The following DENND1A variants were observed in gnomAD, a reference collection of about 807,000 sequenced individuals.
DENND1A encodes the protein DENN domain containing 1A, also known as DENN domain-containing protein 1A.
A neutral mutation model predicts 113.7 loss-of-function variants in DENND1A; 51 were observed. The ratio of observed to expected loss-of-function variants is 0.45; its 90% CI spans 0.36 to 0.57. The LOEUF is 0.57. DENND1A is among the 20% of genes least tolerant of loss of function. The pLI is 0.00. For synonymous variants in DENND1A, 565 were observed against 570.8 expected (o/e 0.99, Z 0.14); for missense variants, 1,258 against 1,395.9 (o/e 0.90, Z 1.57).
intron 13 of DENND1A, among the ~76,000 whole-genome samples, chr9:123,550,652 G>C (rs757920803): frequency 6.6e-6 from 1 of 152,194 alleles, no homozygotes; most frequent in Non-Finnish European, 1.5e-5. Context: ...ACTGAGACCA[G>C]CGTGTGTGAA....
At chr9:123,510,271 T>C (rs1232821978) in intron 13 of DENND1A, among the ~76,000 whole-genome samples, 1 of 152,196 alleles carries the variant, frequency 6.6e-6, no homozygotes, top group African/African-American at 2.4e-5. Flanking sequence ...CCAGAGTGGG[T>C]GTCTAGGCAA....
intron 2 of DENND1A, among the ~76,000 whole-genome samples, chr9:123,838,678 A>C (rs986307864): frequency 6.6e-6 from 1 of 152,206 alleles, no homozygotes; most frequent in Admixed American, 6.5e-5. Context: ...TGGAAAGAAA[A>C]CCTAACAAAG....
chr9:123,671,219 T>C, intron 7 of DENND1A, 72 bp downstream of exon 7: 1 of 1,568,230 alleles, frequency 6.4e-7, no homozygotes, highest in Non-Finnish European at 8.8e-7. Context: ...TACAATCCTG[T>C]TCAGCTAGCT....
At chr9:123,401,431 C>T in intron 21 of DENND1A, 1 of 1,039,916 alleles carries the variant, frequency 9.6e-7, no homozygotes, top group Non-Finnish European at 1.2e-6. Context: ...GAACAACTTC[C>T]CCTTCCTCGT....
At chr9:123,570,143 C>T (rs2058277093) in intron 12 of DENND1A, among the ~76,000 whole-genome samples, 1 of 152,180 alleles carries the variant, frequency 6.6e-6, no homozygotes. Context: ...ATGACTGTTT[C>T]TCAAGTGTTT....
chr9:123,533,935 G>A (rs1008730219), intron 13 of DENND1A, among the ~76,000 whole-genome samples: 1 of 152,180 alleles, frequency 6.6e-6, no homozygotes, highest in Non-Finnish European at 1.5e-5. Flanking sequence ...TTTGAAATGT[G>A]TTACACTAGA....
intron 3 of DENND1A, among the ~76,000 whole-genome samples, chr9:123,788,660 A>G (rs1403391918): frequency 3.9e-5 from 6 of 152,116 alleles, no homozygotes; most frequent in Admixed American, 3.9e-4. Context: ...TTGAGAAACC[A>G]ATTTCTAGAA....
At chr9:123,756,465 GCTA>G (rs1161044580) in intron 5 of DENND1A, among the ~76,000 whole-genome samples, 1 of 152,142 alleles carries the variant, frequency 6.6e-6, no homozygotes, top group African/African-American at 2.4e-5. Flanking sequence ...TTGGGCCTGG[GCTA>G]CTAAGGCGTG....
At chr9:123,692,321 T>A (rs1008389056) in intron 5 of DENND1A, among the ~76,000 whole-genome samples, 20 of 152,250 alleles carry the variant, frequency 1.3e-4, no homozygotes, top group Non-Finnish European at 2.6e-4. Flanking sequence ...TTTAAAATGT[T>A]GAGTGCCACA....
intron 1 of DENND1A, among the ~76,000 whole-genome samples, chr9:123,904,501 A>C (rs1209078483): frequency 1.4e-5 from 2 of 142,596 alleles, no homozygotes; most frequent in Admixed American, 1.4e-4. Flanking sequence ...AACTAGAATA[A>C]CCAATACAGA....
At chr9:123,668,015 T>C (rs1306619781) in intron 7 of DENND1A, among the ~76,000 whole-genome samples, 2 of 152,208 alleles carry the variant, frequency 1.3e-5, no homozygotes, top group African/African-American at 2.4e-5. Context: ...CATCTCCATA[T>C]GCAACAAGCA....
chr9:123,407,778 T>TA (rs2043994132), intron 20 of DENND1A, among the ~76,000 whole-genome samples: 1 of 152,286 alleles, frequency 6.6e-6, no homozygotes, highest in African/African-American at 2.4e-5. Flanking sequence ...CCACTGGATT[T>TA]AAAACCTGAG....
chr9:123,758,217 C>T (rs551515911), intron 4 of DENND1A, among the ~76,000 whole-genome samples: 7 of 152,178 alleles, frequency 4.6e-5, no homozygotes, highest in Admixed American at 6.5e-5. Context: ...TTTTAACCCT[C>T]GCGCTGATTC....
At chr9:123,508,094 A>G (rs913831766) in intron 13 of DENND1A, among the ~76,000 whole-genome samples, 1 of 152,200 alleles carries the variant, frequency 6.6e-6, no homozygotes. Flanking sequence ...ACACAGGCAA[A>G]GAGAGATGGG....
At chr9:123,841,130 G>T (rs1472033964) in intron 2 of DENND1A, among the ~76,000 whole-genome samples, 1 of 152,112 alleles carries the variant, frequency 6.6e-6, no homozygotes, top group African/African-American at 2.4e-5. Context: ...TAATTACCAA[G>T]GTGATGTCAT....
At chr9:123,403,909 C>T (rs2043722071) in intron 20 of DENND1A, among the ~76,000 whole-genome samples, 1 of 152,224 alleles carries the variant, frequency 6.6e-6, no homozygotes, top group African/African-American at 2.4e-5. Flanking sequence ...TGCGCTTACA[C>T]TTGTTTTTAG....
intron 2 of DENND1A, among the ~76,000 whole-genome samples, chr9:123,863,410 A>G (rs1845338594): frequency 6.6e-6 from 1 of 152,204 alleles, no homozygotes; most frequent in African/African-American, 2.4e-5. Flanking sequence ...CTCTCTTTTC[A>G]ACTTAAAGGT....
rs796936080 is a variant in DENND1A at position 123,557,791 on chromosome 9, G to A, written c.868-96C>T. 207 of 1,399,790 alleles carry A rather than the reference G, an allele frequency of 1.5e-4. No homozygotes were observed. In the African/African-American group the frequency reaches 2.1e-3, roughly 14 times the overall value. The allele number at this position is 1,399,790 out of a possible 1,614,324, so 86.7% of individuals were successfully genotyped here. Reference sequence around the variant, plus strand: ...CATATGGAGCCCTGGAAGATCCTACGGATGGCAGGATCCATTTGATACCTC... The same window carrying A: ...CATATGGAGCCCTGGAAGATCCTACAGATGGCAGGATCCATTTGATACCTC... On this transcript the variant is annotated intron_variant, in intron 12 of 23. Coordinates refer to ENST00000394215, the MANE Select transcript of DENND1A (RefSeq NM_001352964.2).
At position 123,382,596 on chromosome 9, in the gene DENND1A, G is replaced by T; in HGVS notation, c.2049C>A (p.Ser683Arg). ...GCTTCAAGGCCACTGTCACCCCGCG[G>T]CTCCTCTCACTCCCGCCCAGATCCA... ...QRLDLGGSER[S>R]RGVTVALKLT... The change falls in exon 24 of 24, where the codon AGC becomes AGA. Residue 683 changes from serine to arginine, a missense_variant. Coordinates refer to ENST00000394215, the MANE Select transcript of DENND1A (RefSeq NM_001352964.2). 6.2e-7 allele frequency: 1 copy of T among 1,614,048 alleles called. No homozygotes were observed. Among genetic ancestry groups the T allele is most frequent in the Non-Finnish European group, 8.5e-7 (1 of 1,180,018 alleles).
Sources: allele counts gnomAD v4.1 joint callset (sites outside exome capture counted in the v4.1 genomes callset), GRCh38; gene constraint gnomAD v4.1.1; transcripts MANE v1.5; gene names NCBI Gene and HGNC (gene_info 2026-07-23, HGNC 2026-07-21).